The following TSPAN17 variants were observed in gnomAD, a reference collection of about 807,000 sequenced individuals.
TSPAN17 encodes tetraspanin-17.
In TSPAN17, 33 loss-of-function variants were observed where a neutral mutation model predicts 40.5. That is an observed-to-expected ratio of 0.81 (90% CI 0.62 to 1.09). TSPAN17 has a LOEUF of 1.09. TSPAN17 is among the 50% of genes least tolerant of loss of function. The pLI, the probability that TSPAN17 is intolerant of heterozygous loss-of-function variation, is 0.00. For missense variants in TSPAN17, 365 were observed against 416.8 expected (o/e 0.88, Z 1.08); for synonymous variants, 166 against 169.4 (o/e 0.98, Z 0.15).
In TSPAN17 at chr5:176,647,695, T is replaced by C. The variant is rs370040083; in HGVS notation, c.80T>C (p.Val27Ala). The part of the protein sequence containing the change: ...GKYFLFGFNI[V>A]FWVLGALFLA... ...TACTTCCTGTTTGGCTTCAACATTGTCTTCTGGGTGAGCGCGGGGTCTGCG... is the reference window on the plus strand; with the variant it reads ...TACTTCCTGTTTGGCTTCAACATTGCCTTCTGGGTGAGCGCGGGGTCTGCG... Residue 27 changes from valine to alanine, a missense_variant, in exon 1 of 9, where the codon GTC (valine) becomes GCC (alanine). Coordinates refer to ENST00000508164, the MANE Select transcript of TSPAN17 (RefSeq NM_130465.5). 2 of 1,592,998 alleles carry C rather than the reference T, an allele frequency of 1.3e-6. No individual in the cohort carries two copies. Among genetic ancestry groups the C allele is most frequent in the Non-Finnish European group, 1.7e-6 (2 of 1,170,824 alleles).
At chr5:176,657,328 C>G (rs1761198759) in intron 8 of TSPAN17, 190 bp from the exon 9 acceptor site, 3 of 1,047,358 alleles carry the variant, frequency 2.9e-6, no homozygotes, top group African/African-American at 3.2e-5. Context: ...TTCCCTGCCC[C>G]CCAGTGCTGG....
chr5:176,650,811 C>A lies in TSPAN17; in HGVS notation c.88-805C>A, dbSNP rs1431413078. Among the ~76,000 whole-genome samples, 1 of 152,188 alleles carries A rather than the reference C, an allele frequency of 6.6e-6. No individual in the cohort carries two copies. The highest frequency in any genetic ancestry group is 1.5e-5 in the Non-Finnish European group (1 of 68,036). On this transcript the variant is annotated intron_variant, in intron 1 of 8. Coordinates refer to ENST00000508164, the MANE Select transcript of TSPAN17 (RefSeq NM_130465.5). The surrounding 1 kb of genome is among the most constrained non-coding windows in gnomAD (Gnocchi z 4.0). ...TGGGCTTGGGTACGACAGCCTTTCC[C>A]CCTCTGAGACTGCACGCCCAGGGAC...
Position 176,651,890 on chromosome 5 carries a change from T to G in TSPAN17, c.275T>G (p.Leu92Arg), listed in dbSNP as rs1760980807. 6.2e-7 allele frequency: 1 copy of G among 1,613,930 alleles called. No homozygotes were observed. The highest frequency in any genetic ancestry group is 8.5e-7 in the Non-Finnish European group (1 of 1,180,034). Residue 92 changes from leucine (L) to arginine (R), a missense_variant, in exon 3 of 9, where the codon CTG becomes CGG. Coordinates refer to ENST00000508164, the MANE Select transcript of TSPAN17 (RefSeq NM_130465.5). The surrounding 1 kb of genome is among the most constrained non-coding windows in gnomAD (Gnocchi z 4.5). Reference protein sequence around the residue: ...CIGALRENTFLLKFFSVFLGL... With the variant: ...CIGALRENTFRLKFFSVFLGL... The stretch of plus-strand genomic sequence containing the variant: ...GGGGCCCTCCGGGAGAACACCTTCC[T>G]GCTCAAGTTTGTGAGTGCTGCCCTC...
Position 176,656,011 on chromosome 5 carries a change from G to A in TSPAN17, c.583-67G>A, listed in dbSNP as rs1761141885. 3 of 1,496,734 alleles carry A rather than the reference G, an allele frequency of 2.0e-6. No homozygotes were observed. In the East Asian group the frequency reaches 6.8e-5, roughly 34 times the overall value. 92.7% of individuals were successfully genotyped at this position (1,496,734 alleles called of 1,614,324 possible). A position where few individuals can be genotyped will look rare whatever the true frequency, so the allele number is the denominator to read the frequency against. ...TCTGAGAAGGAAAAGCCACCGCACT[G>A]CCCAGGTACCATGGACCCCATGGGA... is the stretch of plus-strand genomic sequence containing the variant. On this transcript the variant is annotated intron_variant, in intron 5 of 8. Transcript: ENST00000508164.
intron 5 of TSPAN17, 129 bp from the exon 6 acceptor site, chr5:176,655,949 G>T: frequency 1.2e-6 from 1 of 830,378 alleles, no homozygotes; most frequent in South Asian, 1.4e-5. Context: ...ACTTAAGACT[G>T]GTGGACACGG....
In TSPAN17 at chr5:176,652,880, C is replaced by T. The variant is rs747121978; in HGVS notation, c.423C>T (p.Asp141=). Residue 141 remains aspartate (D), a synonymous_variant, in exon 4 of 9, where the codon GAC becomes GAT. Coordinates refer to ENST00000508164, the MANE Select transcript of TSPAN17 (RefSeq NM_130465.5). ...TCAAGGCCTACCGGGACGACATTGA[C>T]CTCCAGAACCTCATTGACTTTGCTC... ...NNVKAYRDDI[D]LQNLIDFAQE... is the part of the protein sequence containing the mutation. The T allele has an allele frequency of 6.2e-7, 1 of 1,614,208 alleles. No homozygotes were observed. The highest frequency in any genetic ancestry group is 1.1e-5 in the South Asian group (1 of 91,084).
Position 176,654,482 on chromosome 5 carries a change from C to T in TSPAN17, c.457-413C>T. ...TGGCAGGATTCCCCTCCTGTCCCTG[C>T]ACTGAAGAGAGGAGGGCTTTGTAGA... is the stretch of plus-strand genomic sequence containing the variant. On this transcript the variant is annotated intron_variant, in intron 4 of 8. Transcript: ENST00000508164. The surrounding 1 kb of genome is among the most constrained non-coding windows in gnomAD (Gnocchi z 4.3). 5.2e-6 allele frequency: 1 copy of T among 190,874 alleles called. No homozygotes were observed. The highest frequency in any genetic ancestry group is 1.1e-5 in the Non-Finnish European group (1 of 91,320). 11.8% of individuals were successfully genotyped at this position (190,874 alleles called of 1,614,324 possible).
rs1433743818 is a variant in TSPAN17, at chr5:176,657,308, GT to G, written c.810-209del. 1.1e-5 allele frequency: 9 copies of G among 855,404 alleles called. No homozygotes were observed. In the African/African-American group the frequency reaches 1.3e-4, roughly 12 times the overall value. 53.0% of individuals were successfully genotyped at this position (855,404 alleles called of 1,614,324 possible). A position where few individuals can be genotyped will look rare whatever the true frequency, so the allele number is the denominator to read the frequency against. Reference sequence around the variant, plus strand: ...TGGGGTGGGAGGTGCTGTGTGGAGGGTCCCCCCCGTTCCCTGCCCCCCAGTG... The same window carrying G: ...TGGGGTGGGAGGTGCTGTGTGGAGGGCCCCCCCGTTCCCTGCCCCCCAGTG... On this transcript the variant is annotated intron_variant, in intron 8 of 8. Coordinates refer to ENST00000508164, the MANE Select transcript of TSPAN17 (RefSeq NM_130465.5).
In TSPAN17 at chr5:176,656,851, CG is replaced by C. The variant is rs761538357; in HGVS notation, c.747+39del. 2.6e-5 allele frequency: 42 copies of C among 1,613,996 alleles called. 4 individuals are homozygous for C. In the South Asian group the frequency reaches 4.3e-4, roughly 16 times the overall value. On this transcript the variant is annotated intron_variant, in intron 7 of 8. Coordinates refer to ENST00000508164, the MANE Select transcript of TSPAN17 (RefSeq NM_130465.5). ...TGGCCCCACGTGCCCCTCCCCTTGC[CG>C]GGGCCGCCCTCACTCTCCCCTCACC... is the stretch of plus-strand genomic sequence containing the variant.
chr5:176,657,993 A>T lies in TSPAN17; in HGVS notation c.*295A>T. 3.4e-6 allele frequency: 1 copy of T among 293,370 alleles called. No individual in the cohort carries two copies. The highest frequency in any genetic ancestry group is 6.1e-6 in the Non-Finnish European group (1 of 164,890). The allele number at this position is 293,370 out of a possible 1,614,324, so 18.2% of individuals were successfully genotyped here. A position where few individuals can be genotyped will look rare whatever the true frequency, so the allele number is the denominator to read the frequency against. ...GCTTTGAAGAGGGTGCAGCCTGGGA[A>T]GGGCGGCCTTGCTGGGGACTGCGGT... On this transcript the variant is annotated 3_prime_UTR_variant, in exon 9 of 9. Coordinates refer to ENST00000508164, the MANE Select transcript of TSPAN17 (RefSeq NM_130465.5).
In TSPAN17 at chr5:176,650,309, G is replaced by A. The variant is rs994521802; in HGVS notation, c.88-1307G>A. On this transcript the variant is annotated intron_variant, in intron 1 of 8. Coordinates refer to ENST00000508164, the MANE Select transcript of TSPAN17 (RefSeq NM_130465.5). This position sits in a 1 kb window ranked among gnomAD's most constrained non-coding sequence, Gnocchi z 4.0. ...GGAGGCCGTGGGACCAGCCACAGGT[G>A]GTCCCTCCAGGAACACAGCCCTCCA... Among the ~76,000 whole-genome samples, 2 of 152,166 alleles carry A rather than the reference G, an allele frequency of 1.3e-5. No homozygotes were observed. The highest frequency in any genetic ancestry group is 2.9e-5 in the Non-Finnish European group (2 of 68,024).
intron 3 of TSPAN17, among the ~76,000 whole-genome samples, 155 bp from the exon 4 acceptor site, chr5:176,652,588 A>T (rs1581195038): frequency 1.3e-5 from 2 of 152,178 alleles, no homozygotes; most frequent in East Asian, 3.8e-4. Flanking sequence ...TTACCATCAT[A>T]TAACAATACT....
intron 8 of TSPAN17, 68 bp downstream of exon 8, chr5:176,657,024 C>A: frequency 6.7e-7 from 1 of 1,498,756 alleles, no homozygotes; most frequent in South Asian, 1.2e-5. Flanking sequence ...CCCCAGGACC[C>A]TCCTACTATA....
rs1483601937 is a variant in TSPAN17 at position 176,647,511 on chromosome 5, G to A, written c.-105G>A. Reference sequence around the variant, plus strand: ...TCTGTGTGGCCGAGGCCATGAAGCCGCAGCCGCCCGGCTAGGCCCCGGGCG... The same window carrying A: ...TCTGTGTGGCCGAGGCCATGAAGCCACAGCCGCCCGGCTAGGCCCCGGGCG... On this transcript the variant is annotated 5_prime_UTR_variant, in exon 1 of 9. Transcript: ENST00000508164. 1.6e-5 allele frequency: 13 copies of A among 826,464 alleles called. No individual in the cohort carries two copies. The highest frequency in any genetic ancestry group is 2.2e-5 in the Non-Finnish European group (13 of 596,588). The allele number at this position is 826,464 out of a possible 1,614,324, so 51.2% of individuals were successfully genotyped here.
chr5:176,652,920 C>A lies in TSPAN17; in HGVS notation c.456+7C>A, dbSNP rs1761026377. ...TGACTTTGCTCAGGAATACGTGAGTCCAGTGTCCAGCCTGGGACACCTGTA... is the reference window on the plus strand; with the variant it reads ...TGACTTTGCTCAGGAATACGTGAGTACAGTGTCCAGCCTGGGACACCTGTA... On this transcript the variant is annotated splice_region_variant and intron_variant, in intron 4 of 8. Transcript: ENST00000508164. 3 of 1,613,770 alleles carry A rather than the reference C, an allele frequency of 1.9e-6. No individual in the cohort carries two copies. The highest frequency in any genetic ancestry group is 2.5e-6 in the Non-Finnish European group (3 of 1,179,822).
In TSPAN17 at chr5:176,652,020, T is replaced by C. The variant is rs1760989083; in HGVS notation, c.285+120T>C. 3 of 1,369,398 alleles carry C rather than the reference T, an allele frequency of 2.2e-6. No individual in the cohort carries two copies. The Admixed American group carries it at 6.8e-5, about 31-fold the overall frequency. The allele number at this position is 1,369,398 out of a possible 1,614,324, so 84.8% of individuals were successfully genotyped here. A position where few individuals can be genotyped will look rare whatever the true frequency, so the allele number is the denominator to read the frequency against. Reference sequence around the variant, plus strand: ...TTATGCTATAATCGTCATCGTTAGATTCATGTTGTCTATATTTACTAGGAT... The same window carrying C: ...TTATGCTATAATCGTCATCGTTAGACTCATGTTGTCTATATTTACTAGGAT... On this transcript the variant is annotated intron_variant, in intron 3 of 8. Transcript: ENST00000508164.
rs1474972808 is a variant in TSPAN17 at position 176,651,168 on chromosome 5, G to A, written c.88-448G>A. Among the ~76,000 whole-genome samples, 1 of 152,166 alleles carries A rather than the reference G, an allele frequency of 6.6e-6. No individual in the cohort carries two copies. Among genetic ancestry groups the A allele is most frequent in the Non-Finnish European group, 1.5e-5 (1 of 68,024 alleles). On this transcript the variant is annotated intron_variant, in intron 1 of 8. Coordinates refer to ENST00000508164, the MANE Select transcript of TSPAN17 (RefSeq NM_130465.5). This position sits in a 1 kb window ranked among gnomAD's most constrained non-coding sequence, Gnocchi z 4.5. Reference sequence around the variant, plus strand: ...TGGGCTGGGGAGGAGTGTTGAGGGCGGGGCCGCAGTCACACGGCTTTAGGG... The same window carrying A: ...TGGGCTGGGGAGGAGTGTTGAGGGCAGGGCCGCAGTCACACGGCTTTAGGG...
chr5:176,657,052 T>C (rs1761185700), intron 8 of TSPAN17, 96 bp downstream of exon 8: 1 of 1,261,746 alleles, frequency 7.9e-7, no homozygotes, highest in African/African-American at 1.5e-5. Flanking sequence ...CGGGCAAGGC[T>C]GCAGGAGATG....
At chr5:176,647,948 C>G (rs1413967805) in intron 1 of TSPAN17, among the ~76,000 whole-genome samples, 2 of 152,146 alleles carry the variant, frequency 1.3e-5, no homozygotes, top group Non-Finnish European at 2.9e-5. Context: ...CTAAATAATC[C>G]CGAGGCCTGG....
Sources: gnomAD v4.1 joint callset for allele counts (sites outside exome capture counted in the v4.1 genomes callset) on GRCh38, gnomAD v4.1.1 for gene constraint, Gnocchi (gnomAD v3.1) non-coding constraint, MANE v1.5 for transcripts, NCBI Gene and HGNC (gene_info 2026-07-23, HGNC 2026-07-21) for gene names.